Variants in GREM1 observed in about 807,000 individuals in gnomAD.
GREM1 encodes the protein gremlin 1, DAN family BMP antagonist.
Under a neutral mutation model 13.1 loss-of-function variants are expected in GREM1, and 6 were observed. That is an observed-to-expected ratio of 0.46 (90% CI 0.25 to 0.91). The LOEUF is 0.91. GREM1 is among the 40% of genes least tolerant of loss of function. The pLI is 0.18. For missense variants in GREM1, 185 were observed against 233.9 expected, an observed-to-expected ratio of 0.79 and a Z score of 1.36; for synonymous variants, 98 against 93.7, an observed-to-expected ratio of 1.05 and a Z score of -0.27.
Position 32,734,429 on chromosome 15 carries a change from T to C in GREM1, c.*3184T>C, listed in dbSNP as rs1250190558. On this transcript the variant is annotated 3_prime_UTR_variant, in exon 2 of 2. Coordinates refer to ENST00000651154, the MANE Select transcript of GREM1 (RefSeq NM_013372.7). Reference sequence around the variant, plus strand: ...GTAGTTCTATTGACATTCCTCAAGATATTTAATATCAACTGCATTATGTAT... The same window carrying C: ...GTAGTTCTATTGACATTCCTCAAGACATTTAATATCAACTGCATTATGTAT... 4.1e-6 allele frequency: 1 copy of C among 246,446 alleles called. No homozygotes were observed. Among genetic ancestry groups the C allele is most frequent in the Non-Finnish European group, 8.5e-6 (1 of 117,188 alleles). 15.3% of individuals were successfully genotyped at this position (246,446 alleles called of 1,614,324 possible).
At position 32,743,998 on chromosome 15, in the gene GREM1, AG is replaced by A. The variant is rs1361672319; in HGVS notation, c.*12754del. The A allele has an allele frequency of 2.0e-5, 3 of 152,178 alleles. No homozygotes were observed. The highest frequency in any genetic ancestry group is 2.0e-4 in the Admixed American group (3 of 15,280). 9.4% of individuals were successfully genotyped at this position (152,178 alleles called of 1,614,324 possible). A position where few individuals can be genotyped will look rare whatever the true frequency, so the allele number is the denominator to read the frequency against. ...GACAGCAAGGATTGACAGCCATGAC[AG>A]CACAGTGCCTTTCATGACTTACTCT... On this transcript the variant is annotated 3_prime_UTR_variant, in exon 2 of 2. Coordinates refer to ENST00000651154, the MANE Select transcript of GREM1 (RefSeq NM_013372.7).
At position 32,737,940 on chromosome 15, in the gene GREM1, A is replaced by AAAAAAG. The variant is rs1336270877; in HGVS notation, c.*6700_*6705dup. ...CAAAACTCTGTCTCAAAAAAAAAAA[A>AAAAAAG]AAAAAGAAAAGAAAAACCCACAGCT... On this transcript the variant is annotated 3_prime_UTR_variant, in exon 2 of 2. Coordinates refer to ENST00000651154, the MANE Select transcript of GREM1 (RefSeq NM_013372.7). 8.9e-4 allele frequency: 128 copies of AAAAAAG among 143,856 alleles called. 1 individual carries two copies. The highest frequency in any genetic ancestry group is 3.3e-3 in the African/African-American group (123 of 37,644). The allele number at this position is 143,856 out of a possible 1,614,324, so 8.9% of individuals were successfully genotyped here.
chr15:32,742,013 G>A lies in GREM1; in HGVS notation c.*10768G>A, dbSNP rs565287654. On this transcript the variant is annotated 3_prime_UTR_variant, in exon 2 of 2. Coordinates refer to ENST00000651154, the MANE Select transcript of GREM1 (RefSeq NM_013372.7). ...ATCTTGAAGCATACTTGCATCCTAG[G>A]AATAAATCCCACTTTGTCATAGTCT... 2.0e-5 allele frequency: 3 copies of A among 152,140 alleles called. No individual in the cohort carries two copies. The highest frequency in any genetic ancestry group is 1.9e-4 in the East Asian group (1 of 5,176). The allele number at this position is 152,140 out of a possible 1,614,324, so 9.4% of individuals were successfully genotyped here.
rs2055734017 is a variant in GREM1 at position 32,738,576 on chromosome 15, T to C, written c.*7331T>C. The C allele has an allele frequency of 6.6e-6, 1 of 152,160 alleles. No homozygotes were observed. Among genetic ancestry groups the C allele is most frequent in the South Asian group, 2.1e-4 (1 of 4,828 alleles). The allele number at this position is 152,160 out of a possible 1,614,324, so 9.4% of individuals were successfully genotyped here. A position where few individuals can be genotyped will look rare whatever the true frequency, so the allele number is the denominator to read the frequency against. ...GTGGCTTAAGAAATTGACAAGTTAATCCTAAAATTCATAAGAAATTGAAAG... is the reference window on the plus strand; with the variant it reads ...GTGGCTTAAGAAATTGACAAGTTAACCCTAAAATTCATAAGAAATTGAAAG... On this transcript the variant is annotated 3_prime_UTR_variant, in exon 2 of 2. Coordinates refer to ENST00000651154, the MANE Select transcript of GREM1 (RefSeq NM_013372.7).
At chr15:32,725,488 CT>C (rs2055486423) in intron 1 of GREM1, among the ~76,000 whole-genome samples, 1 of 151,866 alleles carries the variant, frequency 6.6e-6, no homozygotes, top group South Asian at 2.1e-4. Context: ...GGGTTGTTTG[CT>C]TTTTTCTTGT....
Position 32,730,807 on chromosome 15 carries a change from C to A in GREM1, c.117C>A (p.Ala39=), listed in dbSNP as rs1213913264. ...SQGAIPPPDK[A]QHNDSEQTQS... ...GTGCCATCCCCCCGCCAGACAAGGC[C>A]CAGCACAATGACTCAGAGCAGACTC... The change falls in exon 2 of 2, where the codon GCC becomes GCA. Residue 39 remains alanine (A), a synonymous_variant. Coordinates refer to ENST00000651154, the MANE Select transcript of GREM1 (RefSeq NM_013372.7). 6.2e-7 allele frequency: 1 copy of A among 1,613,902 alleles called. No homozygotes were observed. The highest frequency in any genetic ancestry group is 8.5e-7 in the Non-Finnish European group (1 of 1,179,994).
chr15:32,726,968 A>G (rs1197145794), intron 1 of GREM1, among the ~76,000 whole-genome samples: 2 of 152,184 alleles, frequency 1.3e-5, no homozygotes, highest in Non-Finnish European at 2.9e-5. Flanking sequence ...GAAGAAGTTG[A>G]ATCCCTGAAT....
At chr15:32,727,848 TAGAC>T (rs961826154) in intron 1 of GREM1, among the ~76,000 whole-genome samples, 2 of 152,024 alleles carry the variant, frequency 1.3e-5, no homozygotes, top group African/African-American at 4.8e-5. Context: ...ACACCAATAA[TAGAC>T]AAACAGCCAA....
At position 32,737,247 on chromosome 15, in the gene GREM1, G is replaced by C. The variant is rs543437518; in HGVS notation, c.*6002G>C. ...ACAAACTCTTCCAGAAATGGAAGAG[G>C]AGGAAACACTTTCCACCTTATTTTC... On this transcript the variant is annotated 3_prime_UTR_variant, in exon 2 of 2. Transcript: ENST00000651154. The C allele has an allele frequency of 9.9e-5, 15 of 152,130 alleles. No homozygotes were observed. The highest frequency in any genetic ancestry group is 2.2e-4 in the Non-Finnish European group (15 of 68,020). The allele number at this position is 152,130 out of a possible 1,614,324, so 9.4% of individuals were successfully genotyped here. A position where few individuals can be genotyped will look rare whatever the true frequency, so the allele number is the denominator to read the frequency against.
intron 1 of GREM1, chr15:32,718,692 C>G (rs983732354): frequency 1.4e-5 from 5 of 352,410 alleles, no homozygotes; most frequent in Admixed American, 3.8e-5. Flanking sequence ...GTGCATTTGC[C>G]GATCCCCGAG....
In GREM1 at chr15:32,733,125, T is replaced by G. The variant is rs1422570986; in HGVS notation, c.*1880T>G. On this transcript the variant is annotated 3_prime_UTR_variant, in exon 2 of 2. Coordinates refer to ENST00000651154, the MANE Select transcript of GREM1 (RefSeq NM_013372.7). ...GGGTCTGATTTTCAAACTTTTAAACTCACTACTGATGATTCTCACGCTAGG... is the reference window on the plus strand; with the variant it reads ...GGGTCTGATTTTCAAACTTTTAAACGCACTACTGATGATTCTCACGCTAGG... The G allele has an allele frequency of 4.3e-6, 1 of 231,918 alleles. No homozygotes were observed. 14.4% of individuals were successfully genotyped at this position (231,918 alleles called of 1,614,324 possible). A position where few individuals can be genotyped will look rare whatever the true frequency, so the allele number is the denominator to read the frequency against.
rs2055712919 is a variant in GREM1 at position 32,737,805 on chromosome 15, G to C, written c.*6560G>C. 6.6e-6 allele frequency: 1 copy of C among 151,530 alleles called. No individual in the cohort carries two copies. Among genetic ancestry groups the C allele is most frequent in the Admixed American group, 6.6e-5 (1 of 15,188 alleles). The allele number at this position is 151,530 out of a possible 1,614,324, so 9.4% of individuals were successfully genotyped here. ...TAGCCCGGCGTGGTGGCAAATGCCT[G>C]TAATCCCAGCTGCTTGGGAGGCTGA... On this transcript the variant is annotated 3_prime_UTR_variant, in exon 2 of 2. Coordinates refer to ENST00000651154, the MANE Select transcript of GREM1 (RefSeq NM_013372.7).
At chr15:32,724,727 T>G (rs192517341) in intron 1 of GREM1, among the ~76,000 whole-genome samples, 6 of 152,208 alleles carry the variant, frequency 3.9e-5, no homozygotes, top group African/African-American at 1.4e-4. Flanking sequence ...CCATGGTGGT[T>G]TGCTGCACCC....
intron 1 of GREM1, chr15:32,718,605 C>T (rs1219791480): frequency 3.1e-5 from 12 of 385,304 alleles, no homozygotes; most frequent in Admixed American, 6.4e-5. Flanking sequence ...GTGCTTGGGG[C>T]GCCGCGCTGG....
chr15:32,724,802 C>T (rs375333488), intron 1 of GREM1, among the ~76,000 whole-genome samples: 2 of 151,674 alleles, frequency 1.3e-5, no homozygotes, highest in African/African-American at 2.4e-5. Flanking sequence ...CCCCACCCCT[C>T]GACAGGCCCC....
In GREM1 at chr15:32,736,971, C is replaced by T. The variant is rs2055704613; in HGVS notation, c.*5726C>T. ...TCATACTCTCTTGGGGTGTGTGTAACATCATCAGTCTCAGCATCTAAACCA... is the reference window on the plus strand; with the variant it reads ...TCATACTCTCTTGGGGTGTGTGTAATATCATCAGTCTCAGCATCTAAACCA... On this transcript the variant is annotated 3_prime_UTR_variant, in exon 2 of 2. Coordinates refer to ENST00000651154, the MANE Select transcript of GREM1 (RefSeq NM_013372.7). The T allele has an allele frequency of 6.6e-6, 1 of 152,154 alleles. No homozygotes were observed. Among genetic ancestry groups the T allele is most frequent in the African/African-American group, 2.4e-5 (1 of 41,436 alleles). 9.4% of individuals were successfully genotyped at this position (152,154 alleles called of 1,614,324 possible).
At position 32,738,086 on chromosome 15, in the gene GREM1, A is replaced by C; in HGVS notation, c.*6841A>C. ...GGTTCTACCTAGGGTAATTAGGCAA[A>C]AAAAAAAAAAAAAAAAAAAAAAAAA... On this transcript the variant is annotated 3_prime_UTR_variant, in exon 2 of 2. Coordinates refer to ENST00000651154, the MANE Select transcript of GREM1 (RefSeq NM_013372.7). 1 of 39,146 alleles carries C rather than the reference A, an allele frequency of 2.6e-5. No individual in the cohort carries two copies. The highest frequency in any genetic ancestry group is 2.6e-4 in the Admixed American group (1 of 3,918). The allele number at this position is 39,146 out of a possible 1,614,324, so 2.4% of individuals were successfully genotyped here. A position where few individuals can be genotyped will look rare whatever the true frequency, so the allele number is the denominator to read the frequency against.
In GREM1 at chr15:32,742,547, A is replaced by G. The variant is rs1226591797; in HGVS notation, c.*11302A>G. ...AATTCTAAAATTCATCTGAAGCCAC[A>G]AAAGACAATGAATAAACAAATCAAT... is the stretch of plus-strand genomic sequence containing the variant. On this transcript the variant is annotated 3_prime_UTR_variant, in exon 2 of 2. Transcript: ENST00000651154. The G allele has an allele frequency of 6.6e-6, 1 of 152,232 alleles. No homozygotes were observed. The highest frequency in any genetic ancestry group is 1.5e-5 in the Non-Finnish European group (1 of 68,032). The allele number at this position is 152,232 out of a possible 1,614,324, so 9.4% of individuals were successfully genotyped here.
rs1473629951 is a variant in GREM1, at chr15:32,735,972, A to C, written c.*4727A>C. The stretch of plus-strand genomic sequence containing the variant: ...TCAAGAAAAAGACTAAATCTCTGTG[A>C]GCACTGTGATATTGTAACTTGCACT... On this transcript the variant is annotated 3_prime_UTR_variant, in exon 2 of 2. Transcript: ENST00000651154. The C allele has an allele frequency of 1.3e-5, 2 of 152,214 alleles. No homozygotes were observed. Among genetic ancestry groups the C allele is most frequent in the Non-Finnish European group, 2.9e-5 (2 of 68,040 alleles). The allele number at this position is 152,214 out of a possible 1,614,324, so 9.4% of individuals were successfully genotyped here.
Sources: allele counts gnomAD v4.1 joint callset (sites outside exome capture counted in the v4.1 genomes callset), GRCh38; gene constraint gnomAD v4.1.1; transcripts MANE v1.5; gene names NCBI Gene and HGNC (gene_info 2026-07-23, HGNC 2026-07-21).